OBSL1: variants seen among roughly 807,000 people sequenced by gnomAD.
OBSL1 encodes the protein obscurin like cytoskeletal adaptor 1, also known as obscurin-like protein 1.
OBSL1 carries 160 observed loss-of-function variants against 172.0 expected under a neutral mutation model. The observed-to-expected ratio is 0.93, with a 90% confidence interval of 0.82 to 1.06. The LOEUF is 1.06. OBSL1 is among the 50% of genes least tolerant of loss of function. The pLI, the probability that OBSL1 is intolerant of heterozygous loss-of-function variation, is 0.00. For missense variants in OBSL1, 2,681 were observed against 2,715.4 expected (o/e 0.99, Z 0.28); for synonymous variants, 1,200 against 1,196.3 (o/e 1.00, Z -0.06).
chr2:219,549,803 T>C (rs1419373218), downstream of OBSL1: 1 of 1,614,110 alleles, frequency 6.2e-7, no homozygotes, highest in Non-Finnish European at 8.5e-7. Flanking sequence ...ACTATGAGTA[T>C]GGGTCCCGGG....
At position 219,567,030 on chromosome 2, in the gene OBSL1, C is replaced by A. The variant is rs1362083334; in HGVS notation, c.1934G>T (p.Gly645Val). The change falls in exon 5 of 21, where the codon GGT becomes GTT. Residue 645 changes from glycine (G) to valine (V), a missense_variant. Physicochemically the swap from Gly to Val is moderately radical, Grantham distance 109 (BLOSUM62 -3). Coordinates refer to ENST00000404537, the MANE Select transcript of OBSL1 (RefSeq NM_015311.3). Reference protein sequence around the residue: ...FSLDLSTIIQGTWFLNGEELK... With the variant: ...FSLDLSTIIQVTWFLNGEELK... ...CTCTTCCCCATTAAGGAACCAGGTACCCTGGATGATGGTGGAGAGATCGAG... is the reference window on the plus strand; with the variant it reads ...CTCTTCCCCATTAAGGAACCAGGTAACCTGGATGATGGTGGAGAGATCGAG... 1 of 1,613,504 alleles carries A rather than the reference C, an allele frequency of 6.2e-7. No homozygotes were observed. The highest frequency in any genetic ancestry group is 1.3e-5 in the African/African-American group (1 of 74,948).
chr2:219,568,296 C>T lies in OBSL1; in HGVS notation c.1041G>A (p.Leu347=), dbSNP rs1344984804. Residue 347 remains leucine, a synonymous_variant, in exon 2 of 21, where the codon CTG becomes CTA. Transcript: ENST00000404537. The surrounding 1 kb of genome is among the most constrained non-coding windows in gnomAD (Gnocchi z 4.1). The part of the protein sequence containing the change: ...KEPRLRFTRP[L]QDVEGREHGI... ...CGTGCTCACGGCCCTCCACGTCCTG[C>T]AGGGGCCGTGTGAACCGGAGGCGGG... 1.7e-5 allele frequency: 28 copies of T among 1,607,508 alleles called. No individual in the cohort carries two copies. Among genetic ancestry groups the T allele is most frequent in the Non-Finnish European group, 2.3e-5 (27 of 1,177,214 alleles).
At position 219,558,367 on chromosome 2, in the gene OBSL1, G is replaced by T. The variant is rs777348502; in HGVS notation, c.3319C>A (p.Pro1107Thr). Reference sequence around the variant, plus strand: ...TACCAGCGCACCTGAGACCCAGCTGGGGCCACCTCACAGCGCAGCTCCACG... The same window carrying T: ...TACCAGCGCACCTGAGACCCAGCTGTGGCCACCTCACAGCGCAGCTCCACG... ...GRVELRCEVA[P>T]AGSQVRWYKD... The change falls in exon 10 of 21, where the codon CCA becomes ACA. Residue 1107 changes from proline (P) to threonine (T), a missense_variant. Pro to Thr is a conservative substitution (Grantham distance 38). This residue lies in a region of OBSL1 where 1,765 missense variants were observed against 1,748.3 expected (regional missense o/e 1.01). Transcript: ENST00000404537. 6.2e-7 allele frequency: 1 copy of T among 1,611,772 alleles called. No homozygotes were observed. The highest frequency in any genetic ancestry group is 2.2e-5 in the East Asian group (1 of 44,818).
At chr2:219,552,769 C>G (rs1032808694) in intron 17 of OBSL1, 72 bp from the exon 18 acceptor site, 2 of 1,515,364 alleles carry the variant, frequency 1.3e-6, no homozygotes, top group East Asian at 2.5e-5. Context: ...TCCACGCCCC[C>G]TTTCTAGAAG....
Position 219,552,097 on chromosome 2 carries a change from A to G in OBSL1, c.5413+15T>C. Reference sequence around the variant, plus strand: ...AGGATGTACACTCTCTGTCGCTCCCACCCCAGGTGCTTACCCTCCACTTCC... The same window carrying G: ...AGGATGTACACTCTCTGTCGCTCCCGCCCCAGGTGCTTACCCTCCACTTCC... On this transcript the variant is annotated intron_variant, in intron 19 of 20. Coordinates refer to ENST00000404537, the MANE Select transcript of OBSL1 (RefSeq NM_015311.3). 6.3e-7 allele frequency: 1 copy of G among 1,594,562 alleles called. No homozygotes were observed. Among genetic ancestry groups the G allele is most frequent in the Non-Finnish European group, 8.5e-7 (1 of 1,170,232 alleles).
At chr2:219,552,738 G>C (rs1375220824) in intron 17 of OBSL1, 41 bp from the exon 18 acceptor site, 1 of 1,513,482 alleles carries the variant, frequency 6.6e-7, no homozygotes, top group Non-Finnish European at 8.9e-7. Flanking sequence ...GGGGCAGAGG[G>C]CAGTTACCGG....
In OBSL1 at chr2:219,550,779, A is replaced by G. The variant is rs1695558174; in HGVS notation, c.*56T>C. The G allele has an allele frequency of 6.3e-7, 1 of 1,593,818 alleles. No individual in the cohort carries two copies. The highest frequency in any genetic ancestry group is 8.6e-7 in the Non-Finnish European group (1 of 1,168,434). ...TGTCTCTCTACCCCTGCCCAGGGTA[A>G]GGGCAAACGCCTTCCAAGCTGTCCA... On this transcript the variant is annotated 3_prime_UTR_variant, in exon 21 of 21. Transcript: ENST00000404537.
chr2:219,552,713 G>A lies in OBSL1; in HGVS notation c.5147-16C>T. ...ACAGTACGCTCTGGGGCGGAGCCCG[G>A]GGCGTGAGCGGGGCGGGGCAGAGGG... On this transcript the variant is annotated splice_polypyrimidine_tract_variant and intron_variant, in intron 17 of 20. Transcript: ENST00000404537. The A allele has an allele frequency of 1.3e-6, 2 of 1,516,660 alleles. No homozygotes were observed. The highest frequency in any genetic ancestry group is 1.2e-5 in the South Asian group (1 of 83,484). The allele number at this position is 1,516,660 out of a possible 1,614,324, so 94.0% of individuals were successfully genotyped here.
chr2:219,568,432 C>CA lies in OBSL1; in HGVS notation c.1013-109_1013-108insT. The CA allele has an allele frequency of 9.2e-7, 1 of 1,092,688 alleles. No individual in the cohort carries two copies. Among genetic ancestry groups the CA allele is most frequent in the Non-Finnish European group, 1.3e-6 (1 of 784,308 alleles). 67.7% of individuals were successfully genotyped at this position (1,092,688 alleles called of 1,614,324 possible). On this transcript the variant is annotated intron_variant, in intron 1 of 20. Coordinates refer to ENST00000404537, the MANE Select transcript of OBSL1 (RefSeq NM_015311.3). This position sits in a 1 kb window ranked among gnomAD's most constrained non-coding sequence, Gnocchi z 4.1. ...CATGCTGTGTGCTCTTCATGCAGAG[C>CA]CAGCGGGCACTGTGGAATCACAGAA...
intron 1 of OBSL1, chr2:219,569,337 G>A (rs1697174415): frequency 6.6e-6 from 1 of 152,196 alleles, no homozygotes; most frequent in African/African-American, 2.4e-5. Flanking sequence ...AAGGACTCAG[G>A]AGAATTTACC....
At chr2:219,551,279 G>A in intron 20 of OBSL1, 6 of 1,404,454 alleles carry the variant, frequency 4.3e-6, no homozygotes, top group Non-Finnish European at 3.7e-6. Flanking sequence ...CAGGAGAGAG[G>A]AGAAGCCTGG....
In OBSL1 at chr2:219,570,670, G is replaced by A; in HGVS notation, c.563C>T (p.Pro188Leu). ...ALQPGRAEDG[P>L]GASLALRILA... ...GATGCGCAGTGCCAGGCTCGCGCCG[G>A]GGCCGTCCTCGGCGCGGCCCGGCTG... Residue 188 changes from proline to leucine, a missense_variant, in exon 1 of 21, where the codon CCC (proline) becomes CTC (leucine). Pro to Leu is a moderately conservative substitution (Grantham distance 98). Around this residue, in one of 5 missense-constraint regions of OBSL1, gnomAD observed 706 missense variants for 695.8 expected, o/e 1.01. Coordinates refer to ENST00000404537, the MANE Select transcript of OBSL1 (RefSeq NM_015311.3). 6.6e-7 allele frequency: 1 copy of A among 1,508,314 alleles called. No homozygotes were observed. The highest frequency in any genetic ancestry group is 2.7e-5 in the East Asian group (1 of 37,112). The allele number at this position is 1,508,314 out of a possible 1,614,324, so 93.4% of individuals were successfully genotyped here. A position where few individuals can be genotyped will look rare whatever the true frequency, so the allele number is the denominator to read the frequency against.
rs758758152 is a variant in OBSL1 at position 219,563,667 on chromosome 2, G to A, written c.2408-40C>T. ...GAGATGGCATTGCACAGACACCCCC[G>A]CACAATGAGTCCAAACTAGCTGTGT... On this transcript the variant is annotated intron_variant, in intron 6 of 20. Coordinates refer to ENST00000404537, the MANE Select transcript of OBSL1 (RefSeq NM_015311.3). The A allele has an allele frequency of 1.4e-5, 22 of 1,586,624 alleles. No individual in the cohort carries two copies. The African/African-American group carries it at 1.9e-4, about 14-fold the overall frequency.
At position 219,558,263 on chromosome 2, in the gene OBSL1, G is replaced by A. The variant is rs1029058199; in HGVS notation, c.3423C>T (p.Pro1141=). 2.5e-6 allele frequency: 4 copies of A among 1,610,788 alleles called. No individual in the cohort carries two copies. Among genetic ancestry groups the A allele is most frequent in the Non-Finnish European group, 3.4e-6 (4 of 1,178,696 alleles). The change falls in exon 10 of 21, where the codon CCC becomes CCT. Residue 1141 remains proline, a synonymous_variant. Coordinates refer to ENST00000404537, the MANE Select transcript of OBSL1 (RefSeq NM_015311.3). ...AEGPTRTLTL[P]HAQPEDAGEY... ...CCCCGGCGTCCTCAGGCTGGGCGTGGGGCAGGGTCAGGGTGCGGGTGGGCC... is the reference window on the plus strand; with the variant it reads ...CCCCGGCGTCCTCAGGCTGGGCGTGAGGCAGGGTCAGGGTGCGGGTGGGCC...
intron 19 of OBSL1, 118 bp from the exon 20 acceptor site, chr2:219,551,916 C>CCGTT (rs1320756758): frequency 3.5e-6 from 3 of 852,572 alleles, no homozygotes; most frequent in Non-Finnish European, 5.6e-6. Flanking sequence ...TGCCACCAGT[C>CCGTT]CGTTCCCTTG....
intron 5 of OBSL1, 130 bp downstream of exon 5, chr2:219,566,700 A>G (rs1234377734): frequency 9.6e-7 from 1 of 1,042,790 alleles, no homozygotes; most frequent in African/African-American, 1.6e-5. Flanking sequence ...CCTCAACCTC[A>G]GCCCATCATG....
rs770204396 is a variant in OBSL1, at chr2:219,554,654, C to T, written c.4696G>A (p.Glu1566Lys). 6 of 1,607,310 alleles carry T rather than the reference C, an allele frequency of 3.7e-6. No individual in the cohort carries two copies. Among genetic ancestry groups the T allele is most frequent in the Non-Finnish European group, 5.1e-6 (6 of 1,176,972 alleles). ...SATFQLELSQ[E>K]GVTGEWARGG... ...CGGGCCCACTCCCCGGTCACACCTT[C>T]CTGGGACAGCTCCAGCTGGAAGGTG... The change falls in exon 15 of 21, where the codon GAA (glutamate) becomes AAA (lysine). Residue 1566 changes from glutamate to lysine, a missense_variant. This residue lies in a region of OBSL1 where 1,765 missense variants were observed against 1,748.3 expected (regional missense o/e 1.01). Coordinates refer to ENST00000404537, the MANE Select transcript of OBSL1 (RefSeq NM_015311.3).
chr2:219,551,250 G>C (rs1488327538), intron 20 of OBSL1: 1 of 1,395,992 alleles, frequency 7.2e-7, no homozygotes, highest in African/African-American at 1.4e-5. Context: ...GTTCAAGAGA[G>C]ACAAACATGG....
chr2:219,557,669 A>G, intron 11 of OBSL1, 51 bp from the exon 12 acceptor site: 1 of 1,505,714 alleles, frequency 6.6e-7, no homozygotes, highest in Non-Finnish European at 8.9e-7. Flanking sequence ...CAGGGCTTTG[A>G]GGAGGGCACG....
Sources: gnomAD v4.1 joint callset for allele counts on GRCh38, gnomAD v4.1.1 for gene constraint, gnomAD v4.1.1 regional missense constraint, Gnocchi (gnomAD v3.1) non-coding constraint, MANE v1.5 for transcripts, NCBI Gene and HGNC (gene_info 2026-07-23, HGNC 2026-07-21) for gene names.